Variants in PPP2R5C observed in about 807,000 individuals in gnomAD.
The protein encoded by PPP2R5C is protein phosphatase 2 regulatory subunit B'gamma, also known as serine/threonine-protein phosphatase 2A 56 kDa regulatory subunit gamma isoform.
Under a neutral mutation model 68.9 loss-of-function variants are expected in PPP2R5C, and 7 were observed. The ratio of observed to expected loss-of-function variants is 0.10; its 90% CI spans 0.06 to 0.19. PPP2R5C has a LOEUF of 0.19. PPP2R5C is among the 10% of genes least tolerant of loss of function. The pLI, the probability that PPP2R5C is intolerant of heterozygous loss-of-function variation, is 1.00. For synonymous variants in PPP2R5C, 210 were observed against 222.2 expected (o/e 0.95, Z 0.49); for missense variants, 348 against 641.3 (o/e 0.54, Z 4.94).
At chr14:101,768,188 G>A (rs1016998731) in intron 2 of PPP2R5C, among the ~76,000 whole-genome samples, 1 of 152,144 alleles carries the variant, frequency 6.6e-6, no homozygotes, top group Non-Finnish European at 1.5e-5. Flanking sequence ...ATGTCTCCTG[G>A]AGGATCAAAT....
chr14:101,814,796 A>G (rs1021089867), intron 1 of PPP2R5C, among the ~76,000 whole-genome samples: 2 of 152,228 alleles, frequency 1.3e-5, no homozygotes, highest in Admixed American at 6.5e-5. Context: ...TATGTCAAAT[A>G]AAATTGCGAG....
rs2046002000 is a variant in PPP2R5C at position 101,906,014 on chromosome 14, G to A, written c.1024-388G>A. Reference sequence around the variant, plus strand: ...AAGCTCCGTGGAGTCAAGGATTTCTGCCTTGCTTTGTTCAGTGCTGAATGC... The same window carrying A: ...AAGCTCCGTGGAGTCAAGGATTTCTACCTTGCTTTGTTCAGTGCTGAATGC... On this transcript the variant is annotated intron_variant, in intron 9 of 13. Coordinates refer to ENST00000334743, the Ensembl canonical transcript of PPP2R5C. This position sits in a 1 kb window ranked among gnomAD's most constrained non-coding sequence, Gnocchi z 4.0. 6.6e-6 allele frequency among the ~76,000 whole-genome samples: 1 copy of A among 152,292 alleles called. No homozygotes were observed. The highest frequency in any genetic ancestry group is 2.1e-4 in the South Asian group (1 of 4,826).
chr14:101,834,774 A>ACT (rs78898881), intron 1 of PPP2R5C, among the ~76,000 whole-genome samples: 34,328 of 151,846 alleles, frequency 0.23, 4,391 homozygotes, highest in African/African-American at 0.35. Flanking sequence ...TCAGAAATCA[A>ACT]CTCTAATTGA....
chr14:101,810,946 A>G (rs2039323860), intron 1 of PPP2R5C, among the ~76,000 whole-genome samples: 1 of 152,166 alleles, frequency 6.6e-6, no homozygotes, highest in Non-Finnish European at 1.5e-5. Flanking sequence ...GCTTCATCAG[A>G]TCACTTTAGA....
At chr14:101,816,917 ATATT>A (rs1566864505) in intron 1 of PPP2R5C, among the ~76,000 whole-genome samples, 2 of 140,632 alleles carry the variant, frequency 1.4e-5, no homozygotes, top group South Asian at 2.1e-4. Flanking sequence ...TATAATATAT[ATATT>A]TATATAATAT....
chr14:101,796,266 G>A (rs750015363), intron 3 of PPP2R5C, among the ~76,000 whole-genome samples: 27 of 152,212 alleles, frequency 1.8e-4, no homozygotes, highest in Non-Finnish European at 3.5e-4. Context: ...GGAAGTTATC[G>A]GAGTGCCTGC....
intron 13 of PPP2R5C, chr14:101,921,497 G>C (rs2047002917): frequency 6.6e-6 from 1 of 151,958 alleles, no homozygotes; most frequent in Admixed American, 6.6e-5. Context: ...CCTCCAGCCT[G>C]GGTGACAGAG....
In PPP2R5C at chr14:101,916,368, G is replaced by GC. The variant is rs1219710865; in HGVS notation, c.1327-1463_1327-1462insC. Among the ~76,000 whole-genome samples, 1 of 152,184 alleles carries GC rather than the reference G, an allele frequency of 6.6e-6. No individual in the cohort carries two copies. Among genetic ancestry groups the GC allele is most frequent in the African/African-American group, 2.4e-5 (1 of 41,446 alleles). Reference sequence around the variant, plus strand: ...CCAGGTGGGCTGAGTTGAGCAGCAGGGCCTGGGCCTGGAGGCATGGAAGCC... The same window carrying GC: ...CCAGGTGGGCTGAGTTGAGCAGCAGGCGCCTGGGCCTGGAGGCATGGAAGCC... On this transcript the variant is annotated intron_variant, in intron 12 of 13. Coordinates refer to ENST00000334743, the Ensembl canonical transcript of PPP2R5C. The surrounding 1 kb of genome is among the most constrained non-coding windows in gnomAD (Gnocchi z 5.5).
chr14:101,918,233 C>G (rs74081680), intron 13 of PPP2R5C, among the ~76,000 whole-genome samples: 1 of 128,928 alleles, frequency 7.8e-6, no homozygotes, highest in South Asian at 2.5e-4. Context: ...CCAGCAAAAT[C>G]GAAAGCTTCA....
chr14:101,832,254 C>A (rs952540705), intron 1 of PPP2R5C, among the ~76,000 whole-genome samples: 1 of 152,144 alleles, frequency 6.6e-6, no homozygotes, highest in Non-Finnish European at 1.5e-5. Context: ...GATAGATAGC[C>A]CAGGATTCCT....
intron 2 of PPP2R5C, among the ~76,000 whole-genome samples, chr14:101,858,456 T>G (rs1458985843): frequency 6.6e-6 from 1 of 152,056 alleles, no homozygotes; most frequent in East Asian, 1.9e-4. Context: ...CTCAAGCGTT[T>G]ATCATTTCTT....
At chr14:101,911,883 CA>C (rs55657834) in intron 11 of PPP2R5C, among the ~76,000 whole-genome samples, 24,573 of 124,678 alleles carry the variant, frequency 0.2, 3,083 homozygotes, top group African/African-American at 0.39. Flanking sequence ...GGCCCTGTCT[CA>C]AAAAAAAAAA....
Position 101,797,123 on chromosome 14 carries a change from G to C in PPP2R5C, c.259+10940G>C. 2.2e-6 allele frequency: 1 copy of C among 455,328 alleles called. No homozygotes were observed. The highest frequency in any genetic ancestry group is 7.0e-5 in the East Asian group (1 of 14,366). 28.2% of individuals were successfully genotyped at this position (455,328 alleles called of 1,614,324 possible). On this transcript the variant is annotated intron_variant, in intron 3 of 14. Transcript: ENST00000328724. The surrounding 1 kb of genome is among the most constrained non-coding windows in gnomAD (Gnocchi z 4.2). ...TTCTGCTTTCTGTCTCTATGATTTT[G>C]CCCACAGTAGGAGCCTCTTAGAAGC...
chr14:101,903,423 C>A (rs2045829166), intron 9 of PPP2R5C, among the ~76,000 whole-genome samples: 1 of 152,182 alleles, frequency 6.6e-6, no homozygotes, highest in Non-Finnish European at 1.5e-5. Context: ...GTCACAGAAG[C>A]CTTCACGTCC....
rs1418390292 is a variant in PPP2R5C, at chr14:101,762,857, C to T, written c.28-48C>T. The T allele has an allele frequency of 3.4e-6, 5 of 1,475,858 alleles. No homozygotes were observed. In the East Asian group the frequency reaches 9.6e-5, roughly 28 times the overall value. 91.4% of individuals were successfully genotyped at this position (1,475,858 alleles called of 1,614,324 possible). A position where few individuals can be genotyped will look rare whatever the true frequency, so the allele number is the denominator to read the frequency against. The stretch of plus-strand genomic sequence containing the variant: ...TGCATTTGGCTTATCTGATGTTTAC[C>T]TGTCTAAAAAGTGAGAAGACTAATT... On this transcript the variant is annotated intron_variant, in intron 1 of 14. Coordinates refer to the PPP2R5C transcript ENST00000328724.
At chr14:101,865,515 A>T (rs1595411974) in intron 2 of PPP2R5C, among the ~76,000 whole-genome samples, 1 of 152,236 alleles carries the variant, frequency 6.6e-6, no homozygotes, top group East Asian at 1.9e-4. Context: ...ACCATGCGAT[A>T]GAGTCAAGGA....
chr14:101,925,137 C>G lies in PPP2R5C; in HGVS notation c.1444-4C>G. 6.2e-7 allele frequency: 1 copy of G among 1,613,912 alleles called. No homozygotes were observed. The highest frequency in any genetic ancestry group is 2.2e-5 in the East Asian group (1 of 44,874). On this transcript the variant is annotated splice_region_variant and splice_polypyrimidine_tract_variant and intron_variant, in intron 13 of 13. Transcript: ENST00000334743. ...AGCCAACGCCATTGCATTTCTAATT[C>G]CAGGCACAGAAAGATCCGAAGAAGG...
At chr14:101,785,642 G>A (rs2038057095) in intron 2 of PPP2R5C, among the ~76,000 whole-genome samples, 2 of 152,130 alleles carry the variant, frequency 1.3e-5, no homozygotes. Context: ...CCCATCTCAA[G>A]ATTCTTAACT....
intron 1 of PPP2R5C, among the ~76,000 whole-genome samples, chr14:101,851,435 T>TA (rs1337497693): frequency 6.6e-6 from 1 of 151,868 alleles, no homozygotes; most frequent in South Asian, 2.1e-4. Context: ...TGTCTCTAGT[T>TA]AAAAAAAATA....
Sources: gnomAD v4.1 joint callset for allele counts (sites outside exome capture counted in the v4.1 genomes callset) on GRCh38, gnomAD v4.1.1 for gene constraint, Gnocchi (gnomAD v3.1) non-coding constraint, MANE v1.5 for transcripts, NCBI Gene and HGNC (gene_info 2026-07-23, HGNC 2026-07-21) for gene names.